LRRFIP2: variants seen among roughly 807,000 people sequenced by gnomAD.
LRRFIP2 encodes LRR binding FLII interacting protein 2.
In LRRFIP2, 109 loss-of-function variants were observed where a neutral mutation model predicts 125.9. That is an observed-to-expected ratio of 0.87 (90% confidence interval 0.74 to 1.01). LRRFIP2 has a LOEUF of 1.01. Among genes scored for constraint, LRRFIP2 ranks in the 50% least tolerant of loss-of-function variants. The pLI, the probability that LRRFIP2 is intolerant of heterozygous loss-of-function variation, is 0.00. For synonymous variants in LRRFIP2, 291 were observed against 293.1 expected (o/e 0.99, Z 0.07); for missense variants, 850 against 862.3 (o/e 0.99, Z 0.18).
rs1380117817 is a variant in LRRFIP2, at chr3:37,094,861, G to C, written c.966C>G (p.Asn322Lys). ...TGTCCCCACTTCCTCGTCTGGATGA[G>C]TTTCCACTTAGAGGGGTTGTTGCTG... ...SASATTPLSG[N>K]SSRRGSGDTS... Residue 322 changes from asparagine to lysine, a missense_variant, in exon 17 of 28, where the codon AAC (asparagine) becomes AAG (lysine). Physicochemically the swap from Asn to Lys is moderately conservative, Grantham distance 94. Coordinates refer to ENST00000336686, the MANE Select transcript of LRRFIP2 (RefSeq NM_006309.4). 1 of 1,613,994 alleles carries C rather than the reference G, an allele frequency of 6.2e-7. No individual in the cohort carries two copies. Among genetic ancestry groups the C allele is most frequent in the Non-Finnish European group, 8.5e-7 (1 of 1,179,886 alleles).
At chr3:37,113,624 T>C (rs1039693600) in intron 7 of LRRFIP2, among the ~76,000 whole-genome samples, 3 of 152,162 alleles carry the variant, frequency 2.0e-5, no homozygotes, top group African/African-American at 7.2e-5. Context: ...AACAAGATAA[T>C]TCATTTCCTT....
intron 6 of LRRFIP2, among the ~76,000 whole-genome samples, chr3:37,120,712 T>C (rs1576946394): frequency 1.3e-5 from 2 of 151,654 alleles, no homozygotes; most frequent in African/African-American, 4.8e-5. Flanking sequence ...ATTTTACTGA[T>C]TAAGAAAACT....
intron 2 of LRRFIP2, among the ~76,000 whole-genome samples, chr3:37,147,517 A>G (rs952063889): frequency 2.0e-5 from 3 of 152,204 alleles, no homozygotes; most frequent in African/African-American, 7.2e-5. Flanking sequence ...GTTTTAGGTA[A>G]TAACTTTCCT....
chr3:37,095,323 T>TA (rs1491539372), intron 16 of LRRFIP2, among the ~76,000 whole-genome samples: 1 of 152,162 alleles, frequency 6.6e-6, no homozygotes, highest in Non-Finnish European at 1.5e-5. Context: ...ATCAATCTCT[T>TA]CTTTCTCTAA....
At chr3:37,159,787 G>A (rs1490369743) in intron 1 of LRRFIP2, among the ~76,000 whole-genome samples, 2 of 149,748 alleles carry the variant, frequency 1.3e-5, no homozygotes, top group South Asian at 2.1e-4. Context: ...GATTACAGGC[G>A]TGAGCCACTG....
intron 18 of LRRFIP2, among the ~76,000 whole-genome samples, chr3:37,089,855 G>A (rs1029747519): frequency 6.6e-6 from 1 of 152,154 alleles, no homozygotes; most frequent in African/African-American, 2.4e-5. Context: ...AACCTTAAAA[G>A]AGAGATTAAA....
In LRRFIP2 at chr3:37,083,383, A is replaced by C. The variant is rs13094861; in HGVS notation, c.1278+253T>G. On this transcript the variant is annotated intron_variant, in intron 19 of 27. Transcript: ENST00000336686. ...GTCCCAATTAAGAGATAGAAAATGA[A>C]GCTAAAACTTGAGTTGTATTCTATT... 9.2e-3 allele frequency among the ~76,000 whole-genome samples: 1,399 copies of C among 152,312 alleles called. 15 individuals are homozygous for C. The highest frequency in any genetic ancestry group is 0.012 in the Non-Finnish European group (834 of 68,016).
intron 2 of LRRFIP2, among the ~76,000 whole-genome samples, chr3:37,141,345 T>C (rs953568191): frequency 6.6e-6 from 1 of 152,184 alleles, no homozygotes; most frequent in Non-Finnish European, 1.5e-5. Flanking sequence ...GATTGGTCCC[T>C]ATTTCCTCCC....
intron 1 of LRRFIP2, among the ~76,000 whole-genome samples, chr3:37,161,702 T>C (rs992384299): frequency 3.3e-5 from 5 of 151,360 alleles, no homozygotes; most frequent in Admixed American, 2.6e-4. Context: ...AGGGGTAAAT[T>C]TTATGACACA....
chr3:37,150,984 G>A (rs1013889474), intron 1 of LRRFIP2, among the ~76,000 whole-genome samples: 10 of 152,136 alleles, frequency 6.6e-5, no homozygotes, highest in African/African-American at 2.2e-4. Context: ...CTGTCCACCA[G>A]AATAAAGACT....
At position 37,064,360 on chromosome 3, in the gene LRRFIP2, G is replaced by A. The variant is rs190750564; in HGVS notation, c.1700-569C>T. Reference sequence around the variant, plus strand: ...TAATCCCAGCACTTTGGGAGGCCTAGGTGGGTGGATCACTTGAGGTCAGGA... The same window carrying A: ...TAATCCCAGCACTTTGGGAGGCCTAAGTGGGTGGATCACTTGAGGTCAGGA... On this transcript the variant is annotated intron_variant, in intron 23 of 27. Coordinates refer to ENST00000336686, the MANE Select transcript of LRRFIP2 (RefSeq NM_006309.4). 90 of 153,030 alleles carry A rather than the reference G, an allele frequency of 5.9e-4. 1 individual carries two copies. Among genetic ancestry groups the A allele is most frequent in the Non-Finnish European group, 1.2e-3 (80 of 68,786 alleles). 9.5% of individuals were successfully genotyped at this position (153,030 alleles called of 1,614,324 possible).
At chr3:37,125,339 G>C (rs1165906708) in intron 4 of LRRFIP2, among the ~76,000 whole-genome samples, 1 of 152,174 alleles carries the variant, frequency 6.6e-6, no homozygotes, top group Non-Finnish European at 1.5e-5. Flanking sequence ...GATTAAGAAA[G>C]ACACCCAGTT....
intron 4 of LRRFIP2, among the ~76,000 whole-genome samples, chr3:37,122,909 T>C (rs1390963183): frequency 6.6e-6 from 1 of 152,260 alleles, no homozygotes; most frequent in East Asian, 1.9e-4. Flanking sequence ...GTAAGGAATT[T>C]CTGATCTTTC....
In LRRFIP2 at chr3:37,083,689, C is replaced by A; in HGVS notation, c.1225G>T (p.Glu409Ter). The A allele has an allele frequency of 6.3e-7, 1 of 1,591,662 alleles. No homozygotes were observed. The highest frequency in any genetic ancestry group is 8.5e-7 in the Non-Finnish European group (1 of 1,172,230). The change falls in exon 19 of 28, where the codon GAG (glutamate) becomes TAG (stop). Residue 409 changes from glutamate to a stop codon, truncating the protein, a stop_gained. Coordinates refer to ENST00000336686, the MANE Select transcript of LRRFIP2 (RefSeq NM_006309.4). LOFTEE classifies it high-confidence loss of function. ...AATTCTGCCATCTGTTCCTCCTGCT[C>A]TTCAATAACATCCTTGAGTGTGTCT... ...QVDTLKDVIE[E>*]QEEQMAEFYR...
chr3:37,165,095 C>T (rs7637994), intron 1 of LRRFIP2, among the ~76,000 whole-genome samples: 57,974 of 151,550 alleles, frequency 0.38, 11,777 homozygotes, highest in Non-Finnish European at 0.45. Context: ...ATTAGCCAGG[C>T]GTGGTGGTGA....
intron 17 of LRRFIP2, 79 bp downstream of exon 17, chr3:37,094,713 A>C: frequency 1.2e-6 from 1 of 838,246 alleles, no homozygotes; most frequent in Non-Finnish European, 2.0e-6. Flanking sequence ...CTACTAAGTC[A>C]CATTAAAGGT....
intron 1 of LRRFIP2, among the ~76,000 whole-genome samples, chr3:37,158,085 T>C (rs2096247036): frequency 6.6e-6 from 1 of 152,208 alleles, no homozygotes; most frequent in African/African-American, 2.4e-5. Flanking sequence ...ATGTTGGACA[T>C]AAATCTTTAT....
intron 27 of LRRFIP2, 136 bp from the exon 28 acceptor site, chr3:37,054,097 T>TATCA: frequency 1.5e-6 from 1 of 655,230 alleles, no homozygotes; most frequent in Non-Finnish European, 2.8e-6. Flanking sequence ...TCATTTTTTC[T>TATCA]ATCAGTTAGA....
At chr3:37,121,453 C>T (rs373081574) in intron 6 of LRRFIP2, 39 bp downstream of exon 6, 125 of 1,580,488 alleles carry the variant, frequency 7.9e-5, no homozygotes, top group Middle Eastern at 1.7e-4. Flanking sequence ...AAAGCTCACA[C>T]GTAAGCTTTG....
Sources: gnomAD v4.1 joint callset for allele counts (sites outside exome capture counted in the v4.1 genomes callset) on GRCh38, gnomAD v4.1.1 for gene constraint, MANE v1.5 for transcripts, NCBI Gene and HGNC (gene_info 2026-07-23, HGNC 2026-07-21) for gene names.